Variants in GSE1 observed in about 807,000 individuals in gnomAD.
The protein encoded by GSE1 is Gse1 coiled-coil protein, also known as genetic suppressor element 1.
Under a neutral mutation model 112.6 loss-of-function variants are expected in GSE1, and 32 were observed. The observed-to-expected ratio is 0.28, with a 90% CI of 0.21 to 0.38. The LOEUF (loss-of-function observed/expected upper bound fraction) is 0.38. Ranked by LOEUF, GSE1 falls within the 10% of genes least tolerant of loss-of-function variation. The probability of loss-of-function intolerance (pLI) is 1.00; values close to 1 mark genes in which losing one functional copy is unlikely to be tolerated. For synonymous variants in GSE1, 1,115 were observed against 735.6 expected (o/e 1.52, Z -8.35); for missense variants, 2,348 against 1,699.2 (o/e 1.38, Z -6.71).
Position 85,661,579 on chromosome 16 carries a change from T to C in GSE1, c.2074T>C (p.Ser692Pro). 6.2e-7 allele frequency: 1 copy of C among 1,610,188 alleles called. No individual in the cohort carries two copies. The highest frequency in any genetic ancestry group is 1.1e-5 in the South Asian group (1 of 90,710). ...GACCATCCTGGGCCAGCAGCGGGCC[T>C]CCCTCCCACAGGCGGCCACCTTCGG... ...TQTILGQQRA[S>P]LPQAATFGEL... is the part of the protein sequence containing the mutation. Residue 692 changes from serine (S) to proline (P), a missense_variant, in exon 9 of 16, where the codon TCC becomes CCC. Transcript: ENST00000253458.
upstream of GSE1, among the ~76,000 whole-genome samples, chr16:85,608,635 G>A (rs543374492): frequency 2.3e-4 from 35 of 152,322 alleles, no homozygotes; most frequent in Middle Eastern, 3.4e-3. Flanking sequence ...ACTCGTGCTG[G>A]AATGTGTGTG....
At chr16:85,520,523 G>A (rs927732710) in intron 2 of GSE1, among the ~76,000 whole-genome samples, 3 of 151,588 alleles carry the variant, frequency 2.0e-5, no homozygotes, top group Non-Finnish European at 4.4e-5. Context: ...CCGGGCCCAA[G>A]TGATTCTCCT....
At chr16:85,328,515 G>C (rs955529622) in intron 1 of GSE1, among the ~76,000 whole-genome samples, 2 of 152,240 alleles carry the variant, frequency 1.3e-5, no homozygotes, top group Admixed American at 1.3e-4. Context: ...GCCGACTGGC[G>C]GGCTATTCAA....
At chr16:85,354,984 G>A (rs2046922423) in intron 1 of GSE1, among the ~76,000 whole-genome samples, 1 of 152,234 alleles carries the variant, frequency 6.6e-6, no homozygotes, top group Non-Finnish European at 1.5e-5. Context: ...AAGTGTGCTG[G>A]CCTGAGGTGC....
At chr16:85,194,927 C>T (rs1567602999) in intron 1 of GSE1, among the ~76,000 whole-genome samples, 2 of 151,932 alleles carry the variant, frequency 1.3e-5, no homozygotes, top group Non-Finnish European at 2.9e-5. Context: ...AGTGAGTGTT[C>T]GGGGCAGTCA....
At chr16:85,207,070 G>C (rs780922476) in intron 1 of GSE1, among the ~76,000 whole-genome samples, 1 of 152,228 alleles carries the variant, frequency 6.6e-6, no homozygotes, top group Non-Finnish European at 1.5e-5. Flanking sequence ...CGAGCGGAGG[G>C]CTCTTGGTGA....
rs144370834 is a variant in GSE1 at position 85,524,626 on chromosome 16, C to T, written c.2465-109288C>T. ...CTGGGCCGGGAGGGGCTGTCAGCCT[C>T]GGCCAGGAAGCCAGGTGTGTGTACA... On this transcript the variant is annotated intron_variant, in intron 2 of 2. Coordinates refer to the GSE1 transcript ENST00000637419. Among the ~76,000 whole-genome samples the T allele has an allele frequency of 7.3e-3, 1,104 of 152,202 alleles. 10 individuals carry two copies. Among genetic ancestry groups the T allele is most frequent in the African/African-American group, 0.025 (1,047 of 41,520 alleles).
At chr16:85,672,093 G>T (rs2053392616) in intron 15 of GSE1, 8 of 311,000 alleles carry the variant, frequency 2.6e-5, no homozygotes, top group African/African-American at 1.7e-4. Flanking sequence ...CCGCCTCCTG[G>T]GTTCAAGCGA....
At chr16:85,548,358 CTTT>C (rs879328118) in intron 2 of GSE1, among the ~76,000 whole-genome samples, 1 of 144,452 alleles carries the variant, frequency 6.9e-6, no homozygotes, top group African/African-American at 2.5e-5. Flanking sequence ...ACTAGGTCTT[CTTT>C]TTTTTTTTTA....
chr16:85,277,222 G>T (rs1369460928), intron 1 of GSE1, among the ~76,000 whole-genome samples: 1 of 152,130 alleles, frequency 6.6e-6, no homozygotes, highest in Non-Finnish European at 1.5e-5. Flanking sequence ...GCACTGTAAG[G>T]CCTGCCCAAG....
chr16:85,337,012 C>G (rs563775767), intron 1 of GSE1, among the ~76,000 whole-genome samples: 1 of 63,588 alleles, frequency 1.6e-5, no homozygotes. Flanking sequence ...ACACACATAT[C>G]CACAGGCACA....
chr16:85,385,700 C>T (rs1320432664), intron 2 of GSE1, among the ~76,000 whole-genome samples: 2 of 152,224 alleles, frequency 1.3e-5, no homozygotes, highest in African/African-American at 4.8e-5. Context: ...TTTTCGCCTC[C>T]CCGCTCTCGC....
intron 1 of GSE1, among the ~76,000 whole-genome samples, chr16:85,181,258 G>A (rs1341158317): frequency 6.6e-6 from 1 of 152,350 alleles, no homozygotes; most frequent in East Asian, 1.9e-4. Flanking sequence ...GGACCACAGA[G>A]GGGGCGTGAA....
At chr16:85,637,063 A>G (rs1401601564) in intron 2 of GSE1, among the ~76,000 whole-genome samples, 1 of 152,178 alleles carries the variant, frequency 6.6e-6, no homozygotes, top group African/African-American at 2.4e-5. Context: ...CATAAAATTC[A>G]CCCTGTAGAA....
intron 6 of GSE1, 22 bp from the exon 7 acceptor site, chr16:85,656,321 C>G (rs750032373): frequency 6.2e-7 from 1 of 1,609,422 alleles, no homozygotes; most frequent in African/African-American, 1.3e-5. Context: ...GCAGAGCCCC[C>G]AACTCTTTCC....
chr16:85,194,834 C>G (rs1037366101), intron 1 of GSE1, among the ~76,000 whole-genome samples: 3 of 152,150 alleles, frequency 2.0e-5, no homozygotes, highest in African/African-American at 7.2e-5. Flanking sequence ...ACACAAGTGT[C>G]TACAGAGCAG....
chr16:85,294,176 C>G (rs946075950), intron 1 of GSE1, among the ~76,000 whole-genome samples: 4 of 152,184 alleles, frequency 2.6e-5, no homozygotes, highest in Admixed American at 2.0e-4. Context: ...TCCCCGGGGT[C>G]CCTTCTGCCT....
At chr16:85,438,015 A>G (rs910196257) in intron 2 of GSE1, among the ~76,000 whole-genome samples, 2 of 152,024 alleles carry the variant, frequency 1.3e-5, no homozygotes, top group Non-Finnish European at 2.9e-5. Flanking sequence ...ACTGCTCAGG[A>G]GCTAGTTCCG....
At chr16:85,198,933 C>G (rs973100450) in intron 1 of GSE1, among the ~76,000 whole-genome samples, 4 of 151,684 alleles carry the variant, frequency 2.6e-5, no homozygotes, top group Non-Finnish European at 4.4e-5. Flanking sequence ...CATGCACCAC[C>G]ACACCCGGCT....
Sources: gnomAD v4.1 joint callset for allele counts (sites outside exome capture counted in the v4.1 genomes callset) on GRCh38, gnomAD v4.1.1 for gene constraint, MANE v1.5 for transcripts, NCBI Gene and HGNC (gene_info 2026-07-23, HGNC 2026-07-21) for gene names.